The following ZNF467 variants were observed in gnomAD, a reference collection of about 807,000 sequenced individuals.
ZNF467 encodes the protein zinc finger protein EZI.
ZNF467 carries 51 observed loss-of-function variants against 47.8 expected under a neutral mutation model. That is an observed-to-expected ratio of 1.07 (90% CI 0.85 to 1.35). The LOEUF is 1.35. Ranked by LOEUF, ZNF467 falls within the 40% of genes most tolerant of loss-of-function variation. The probability of loss-of-function intolerance (pLI) is 0.00; values close to 1 mark genes in which losing one functional copy is unlikely to be tolerated. For synonymous variants in ZNF467, 416 were observed against 372.9 expected, an observed-to-expected ratio of 1.12 and a Z score of -1.33; for missense variants, 992 against 858.1, an observed-to-expected ratio of 1.16 and a Z score of -1.95.
chr7:149,775,551 C>T (rs709062), upstream of ZNF467, among the ~76,000 whole-genome samples: 31,262 of 152,062 alleles, frequency 0.21, 4,282 homozygotes, highest in African/African-American at 0.4. Flanking sequence ...AAAATGTGCA[C>T]ATACAATTTC....
chr7:149,774,204 C>G (rs114447105), upstream of ZNF467, among the ~76,000 whole-genome samples: 2 of 152,210 alleles, frequency 1.3e-5, no homozygotes, highest in Non-Finnish European at 2.9e-5. This position sits in a 1 kb window ranked among gnomAD's most constrained non-coding sequence, Gnocchi z 5.7. Flanking sequence ...AGCCCTCAGC[C>G]CTCAGCCCTC....
In ZNF467 at chr7:149,772,754, C is replaced by A. The variant is rs1264208767; in HGVS notation, c.-43+354G>T. 2.1e-5 allele frequency among the ~76,000 whole-genome samples: 3 copies of A among 144,548 alleles called. No homozygotes were observed. In the East Asian group the frequency reaches 6.4e-4, roughly 31 times the overall value. The allele number at this position is 144,548 out of a possible 152,430, so 94.8% of individuals were successfully genotyped here. A position where few individuals can be genotyped will look rare whatever the true frequency, so the allele number is the denominator to read the frequency against. ...CTACCGAGTGGCCCGGTCCCCAGCG[C>A]CCGCTTCTTCCTCCCCTTCCCCCTC... On this transcript the variant is annotated intron_variant, in intron 1 of 4. Transcript: ENST00000302017.
At position 149,769,781 on chromosome 7, in the gene ZNF467, A is replaced by G. The variant is rs1006557254; in HGVS notation, c.152-581T>C. 6.6e-6 allele frequency among the ~76,000 whole-genome samples: 1 copy of G among 152,184 alleles called. No individual in the cohort carries two copies. The highest frequency in any genetic ancestry group is 2.4e-5 in the African/African-American group (1 of 41,442). On this transcript the variant is annotated intron_variant, in intron 3 of 4. Transcript: ENST00000302017. This position sits in a 1 kb window ranked among gnomAD's most constrained non-coding sequence, Gnocchi z 5.3. Reference sequence around the variant, plus strand: ...ATACCTCACTGCAGCCTGGGCTTCAAGGGATCCTCCTGCCCCAGCCTCCCA... The same window carrying G: ...ATACCTCACTGCAGCCTGGGCTTCAGGGGATCCTCCTGCCCCAGCCTCCCA...
chr7:149,773,618 G>A (rs1410421232), upstream of ZNF467: 1 of 144,796 alleles, frequency 6.9e-6, no homozygotes, highest in African/African-American at 2.5e-5. Flanking sequence ...GGAGGGAGGA[G>A]CCGGGGAAAG....
Position 149,764,955 on chromosome 7 carries a change from G to T in ZNF467, c.1547C>A (p.Ala516Asp). ...GAAGCTGCGGGCGCAGACGGCGCAG[G>T]CGTGGGGGCGGCTGCCAGTGTGCAC... Reference protein sequence around the residue: ...QAVHTGSRPHACAVCARSFSS... With the variant: ...QAVHTGSRPHDCAVCARSFSS... Residue 516 changes from alanine (A) to aspartate (D), a missense_variant, in exon 5 of 5, where the codon GCC becomes GAC. Physicochemically the swap from Ala to Asp is moderately radical, Grantham distance 126 (BLOSUM62 -2). Coordinates refer to ENST00000302017, the MANE Select transcript of ZNF467 (RefSeq NM_207336.3). 6.3e-7 allele frequency: 1 copy of T among 1,588,658 alleles called. No homozygotes were observed. The highest frequency in any genetic ancestry group is 8.5e-7 in the Non-Finnish European group (1 of 1,173,686).
upstream of ZNF467, chr7:149,775,943 A>C (rs1799563758): frequency 2.1e-6 from 2 of 933,602 alleles, no homozygotes; most frequent in Non-Finnish European, 1.5e-6. Flanking sequence ...TGCGTGGGGC[A>C]GGAGAGAGCA....
In ZNF467 at chr7:149,766,003, G is replaced by A. The variant is rs1305225652; in HGVS notation, c.499C>T (p.Arg167Trp). ...AACGTCAGCTGGTCCCGGAAGCGCCGCTCACACTCCCCGCAGCCGTAGGGC... is the reference window on the plus strand; with the variant it reads ...AACGTCAGCTGGTCCCGGAAGCGCCACTCACACTCCCCGCAGCCGTAGGGC... ...EKPYGCGECERRFRDQLTLRL... is the reference protein window; with the variant it reads ...EKPYGCGECEWRFRDQLTLRL... Residue 167 changes from arginine (R) to tryptophan (W), a missense_variant, in exon 5 of 5, where the codon CGG becomes TGG. Physicochemically the swap from Arg to Trp is moderately radical, Grantham distance 101 (BLOSUM62 -3). Coordinates refer to ENST00000302017, the MANE Select transcript of ZNF467 (RefSeq NM_207336.3). The A allele has an allele frequency of 4.5e-6, 7 of 1,564,306 alleles. No homozygotes were observed. The highest frequency in any genetic ancestry group is 2.4e-5 in the East Asian group (1 of 41,886).
At position 149,771,089 on chromosome 7, in the gene ZNF467, C is replaced by A. The variant is rs1799391414; in HGVS notation, c.-42-15G>T. On this transcript the variant is annotated splice_polypyrimidine_tract_variant and intron_variant, in intron 1 of 4. Coordinates refer to ENST00000302017, the MANE Select transcript of ZNF467 (RefSeq NM_207336.3). ...GGCCACAGAACCTATGGAGAAAAGA[C>A]AGCCTTGTTCAGATTTTTCCCACGC... The A allele has an allele frequency of 6.2e-7, 1 of 1,611,812 alleles. No individual in the cohort carries two copies. The highest frequency in any genetic ancestry group is 8.5e-7 in the Non-Finnish European group (1 of 1,178,198).
At chr7:149,776,514 C>T (rs570874425), upstream of ZNF467, 1 of 1,310,204 alleles carries the variant, frequency 7.6e-7, no homozygotes. Flanking sequence ...CGCCTGGGCT[C>T]TGTCCTATCT....
At chr7:149,770,893 G>T in intron 2 of ZNF467, 106 bp downstream of exon 2, 1 of 1,432,706 alleles carries the variant, frequency 7.0e-7, no homozygotes, top group East Asian at 2.3e-5. Flanking sequence ...AGGCCCCTGG[G>T]GCCTCAGGGT....
In ZNF467 at chr7:149,770,927, G is replaced by A. The variant is rs1585956846; in HGVS notation, c.34+72C>T. ...GTTGCAGCCTCCTGAGGGTGGCTCT[G>A]CTGTCTGAGTTGTAGATGCCCCTGA... On this transcript the variant is annotated intron_variant, in intron 2 of 4. Transcript: ENST00000302017. 8 of 1,602,462 alleles carry A rather than the reference G, an allele frequency of 5.0e-6. 1 individual carries two copies. The East Asian group carries it at 1.8e-4, about 36-fold the overall frequency.
Position 149,765,044 on chromosome 7 carries a change from A to C in ZNF467, c.1458T>G (p.Pro486=). 6.6e-7 allele frequency: 1 copy of C among 1,525,944 alleles called. No homozygotes were observed. Among genetic ancestry groups the C allele is most frequent in the Non-Finnish European group, 8.8e-7 (1 of 1,142,324 alleles). 94.5% of individuals were successfully genotyped at this position (1,525,944 alleles called of 1,614,324 possible). Residue 486 remains proline (P), a synonymous_variant, in exon 5 of 5, where the codon CCT becomes CCG. Coordinates refer to ENST00000302017, the MANE Select transcript of ZNF467 (RefSeq NM_207336.3). ...GGCGGCCGCACTGAGCGCAGGCGAAAGGCCTGGCGCCGCTGTGGGCCCTGG... is the reference window on the plus strand; with the variant it reads ...GGCGGCCGCACTGAGCGCAGGCGAACGGCCTGGCGCCGCTGTGGGCCCTGG... The part of the protein sequence containing the change: ...AHSRAHSGAR[P]FACAQCGRRF...
intron 4 of ZNF467, among the ~76,000 whole-genome samples, chr7:149,767,643 C>T (rs1799264871): frequency 6.6e-6 from 1 of 152,202 alleles, no homozygotes; most frequent in South Asian, 2.1e-4. Flanking sequence ...CCTCAAACAC[C>T]TGGGCCCAAG....
Position 149,769,662 on chromosome 7 carries a change from A to G in ZNF467, c.152-462T>C, listed in dbSNP as rs922462925. Among the ~76,000 whole-genome samples, 15 of 152,128 alleles carry G rather than the reference A, an allele frequency of 9.9e-5. No individual in the cohort carries two copies. The highest frequency in any genetic ancestry group is 2.1e-4 in the South Asian group (1 of 4,826). ...TACTCCTGCCTGAAGCACTTTTCCC[A>G]AATCTGCTGAGCTGCCGCCTTCACC... On this transcript the variant is annotated intron_variant, in intron 3 of 4. Coordinates refer to ENST00000302017, the MANE Select transcript of ZNF467 (RefSeq NM_207336.3). The surrounding 1 kb of genome is among the most constrained non-coding windows in gnomAD (Gnocchi z 5.3).
chr7:149,764,791 C>G lies in ZNF467; in HGVS notation c.1711G>C (p.Ala571Pro). The G allele has an allele frequency of 6.6e-7, 1 of 1,524,630 alleles. No individual in the cohort carries two copies. Among genetic ancestry groups the G allele is most frequent in the East Asian group, 2.3e-5 (1 of 43,812 alleles). The allele number at this position is 1,524,630 out of a possible 1,614,324, so 94.4% of individuals were successfully genotyped here. ...HQLIHGEAAH[A>P]APDAALAAPA... The stretch of plus-strand genomic sequence containing the variant: ...GCCGCAAGGGCGGCGTCCGGGGCCG[C>G]GTGGGCGGCTTCGCCGTGAATGAGC... The change falls in exon 5 of 5, where the codon GCG (alanine) becomes CCG (proline). Residue 571 changes from alanine (A) to proline (P), a missense_variant. By Grantham distance (27) the Ala-to-Pro change is conservative. Transcript: ENST00000302017.
chr7:149,764,878 G>C lies in ZNF467; in HGVS notation c.1624C>G (p.Pro542Ala). 1 of 1,562,988 alleles carries C rather than the reference G, an allele frequency of 6.4e-7. No homozygotes were observed. The highest frequency in any genetic ancestry group is 8.7e-7 in the Non-Finnish European group (1 of 1,155,822). Reference sequence around the variant, plus strand: ...TTTCCGCACTGCGGGCAGGAGAAGGGGCGGGAGCCTGTGTGGATCGCCTGG... The same window carrying C: ...TTTCCGCACTGCGGGCAGGAGAAGGCGCGGGAGCCTGTGTGGATCGCCTGG... ...RHQAIHTGSR[P>A]FSCPQCGKSF... Residue 542 changes from proline to alanine, a missense_variant, in exon 5 of 5, where the codon CCC becomes GCC. By Grantham distance (27) the Pro-to-Ala change is conservative. Coordinates refer to ENST00000302017, the MANE Select transcript of ZNF467 (RefSeq NM_207336.3).
chr7:149,766,303 G>T, intron 4 of ZNF467, 64 bp from the exon 5 acceptor site: 2 of 1,506,876 alleles, frequency 1.3e-6, no homozygotes, highest in Non-Finnish European at 8.9e-7. Flanking sequence ...TTTAACCACA[G>T]GATCTCCACT....
At chr7:149,768,589 G>A (rs780619777) in intron 4 of ZNF467, among the ~76,000 whole-genome samples, 10 of 152,216 alleles carry the variant, frequency 6.6e-5, no homozygotes, top group Non-Finnish European at 1.2e-4. Flanking sequence ...TGGTGGCAGT[G>A]GAAGGAAGTC....
At position 149,764,909 on chromosome 7, in the gene ZNF467, G is replaced by GACT; in HGVS notation, c.1590_1592dup (p.Val531dup). The GACT allele has an allele frequency of 6.4e-7, 1 of 1,567,964 alleles. No individual in the cohort carries two copies. Among genetic ancestry groups the GACT allele is most frequent in the South Asian group, 1.1e-5 (1 of 87,412 alleles). On this transcript the variant is annotated inframe_insertion, in exon 5 of 5. Transcript: ENST00000302017. ...AGCCTGTGTGGATCGCCTGGTGGCGGACTAGGTTGGTTTTGGAGCTGAAGC... is the reference window on the plus strand; with the variant it reads ...AGCCTGTGTGGATCGCCTGGTGGCGGACTACTAGGTTGGTTTTGGAGCTGAAGC...
Sources: allele counts gnomAD v4.1 joint callset (sites outside exome capture counted in the v4.1 genomes callset), GRCh38; gene constraint gnomAD v4.1.1; non-coding constraint Gnocchi (gnomAD v3.1); transcripts MANE v1.5; gene names NCBI Gene and HGNC (gene_info 2026-07-23, HGNC 2026-07-21).